The following ILDR2 variants were observed in gnomAD, a reference collection of about 807,000 sequenced individuals.
ILDR2 encodes the protein immunoglobulin-like domain-containing receptor 2.
In ILDR2, 25 loss-of-function variants were observed where a neutral mutation model predicts 66.8. The ratio of observed to expected loss-of-function variants is 0.37; its 90% CI spans 0.27 to 0.52. The LOEUF is 0.52. Among genes scored for constraint, ILDR2 ranks in the 20% least tolerant of loss-of-function variants. The probability of loss-of-function intolerance (pLI) is 0.88; values close to 1 mark genes in which losing one functional copy is unlikely to be tolerated. For missense variants in ILDR2, 827 were observed against 876.8 expected (o/e 0.94, Z 0.72); for synonymous variants, 367 against 357.2 (o/e 1.03, Z -0.31).
rs1406394751 is a variant in ILDR2 at position 166,921,285 on chromosome 1, A to G, written c.1306T>C (p.Ser436Pro). Residue 436 changes from serine to proline, a missense_variant, in exon 9 of 10, where the codon TCC becomes CCC. By Grantham distance (74) the Ser-to-Pro change is moderately conservative (BLOSUM62 -1). Coordinates refer to ENST00000271417, the MANE Select transcript of ILDR2 (RefSeq NM_199351.3). This position sits in a 1 kb window ranked among gnomAD's most constrained non-coding sequence, Gnocchi z 5.3. ...GCCCGGCGGGGCCGCTGGCCGTAGGAGTCAGCGAAGGCCGCCAGCTCGTCC... is the reference window on the plus strand; with the variant it reads ...GCCCGGCGGGGCCGCTGGCCGTAGGGGTCAGCGAAGGCCGCCAGCTCGTCC... The part of the protein sequence containing the change: ...SMDELAAFAD[S>P]YGQRPRRADG... 6.3e-7 allele frequency: 1 copy of G among 1,599,044 alleles called. No homozygotes were observed. The highest frequency in any genetic ancestry group is 8.5e-7 in the Non-Finnish European group (1 of 1,172,694).
At chr1:166,972,204 T>C (rs1187630095) in intron 1 of ILDR2, among the ~76,000 whole-genome samples, 1 of 150,810 alleles carries the variant, frequency 6.6e-6, no homozygotes, top group Admixed American at 6.6e-5. Context: ...AGAGTGAGAC[T>C]CTGTCTCTCA....
chr1:166,963,936 C>T (rs1251948429), intron 1 of ILDR2, among the ~76,000 whole-genome samples: 1 of 152,084 alleles, frequency 6.6e-6, no homozygotes, highest in African/African-American at 2.4e-5. Context: ...CCATATGGGA[C>T]TTGAGTTTCA....
chr1:166,906,865 G>A (rs1202062097), downstream of ILDR2, among the ~76,000 whole-genome samples: 3 of 152,154 alleles, frequency 2.0e-5, no homozygotes, highest in Non-Finnish European at 2.9e-5. Context: ...TCACCCTCAC[G>A]AATAAACTGT....
At chr1:166,933,653 G>C (rs1660768938) in intron 6 of ILDR2, 2 of 478,634 alleles carry the variant, frequency 4.2e-6, no homozygotes, top group African/African-American at 2.1e-5. Context: ...AGTTTTATTA[G>C]ATAATCCATT....
At chr1:166,947,189 G>A (rs1661664999) in intron 3 of ILDR2, among the ~76,000 whole-genome samples, 1 of 152,220 alleles carries the variant, frequency 6.6e-6, no homozygotes, top group Admixed American at 6.5e-5. Flanking sequence ...TTAAAATGCC[G>A]TGGAGGAGCG....
intron 3 of ILDR2, among the ~76,000 whole-genome samples, chr1:166,948,191 C>T (rs1232277821): frequency 6.6e-6 from 1 of 152,112 alleles, no homozygotes; most frequent in Non-Finnish European, 1.5e-5. Context: ...CCCCAACCCT[C>T]TGGATCTTCT....
chr1:166,917,591 C>T lies in ILDR2; in HGVS notation c.*1764G>A, dbSNP rs1256990990. ...AAAAGCTTTGATAAAAATTTGTCAACAATAGTGGAGGCTATGAGAAACACA... is the reference window on the plus strand; with the variant it reads ...AAAAGCTTTGATAAAAATTTGTCAATAATAGTGGAGGCTATGAGAAACACA... On this transcript the variant is annotated 3_prime_UTR_variant, in exon 10 of 10. Transcript: ENST00000271417. 1 of 152,196 alleles carries T rather than the reference C, an allele frequency of 6.6e-6. No homozygotes were observed. The highest frequency in any genetic ancestry group is 1.9e-4 in the East Asian group (1 of 5,186). The allele number at this position is 152,196 out of a possible 1,614,324, so 9.4% of individuals were successfully genotyped here.
chr1:166,939,217 G>T (rs1262966116), intron 4 of ILDR2, among the ~76,000 whole-genome samples: 1 of 152,140 alleles, frequency 6.6e-6, no homozygotes, highest in Non-Finnish European at 1.5e-5. Context: ...TAGGTATATG[G>T]GTACAGCTGA....
At chr1:166,929,045 CAGTT>C (rs1027436574) in intron 6 of ILDR2, among the ~76,000 whole-genome samples, 18 of 152,192 alleles carry the variant, frequency 1.2e-4, no homozygotes, top group African/African-American at 4.3e-4. Flanking sequence ...GTTCTGGAGG[CAGTT>C]ATGTCTGATG....
At chr1:166,947,369 C>T (rs1661681666) in intron 3 of ILDR2, among the ~76,000 whole-genome samples, 1 of 152,218 alleles carries the variant, frequency 6.6e-6, no homozygotes, top group Admixed American at 6.5e-5. Flanking sequence ...GGGGCACACA[C>T]TTGGTAGGTC....
intron 3 of ILDR2, among the ~76,000 whole-genome samples, chr1:166,945,212 T>C (rs1661545656): frequency 6.6e-6 from 1 of 152,190 alleles, no homozygotes; most frequent in Admixed American, 6.5e-5. Flanking sequence ...TCTCCAGTCA[T>C]TGGAATATCC....
At chr1:166,941,916 T>G (rs534903063) in intron 3 of ILDR2, among the ~76,000 whole-genome samples, 1 of 152,324 alleles carries the variant, frequency 6.6e-6, no homozygotes, top group African/African-American at 2.4e-5. Context: ...AATCCATACA[T>G]TCAAGGAGGA....
At chr1:166,947,901 G>T in intron 3 of ILDR2, among the ~76,000 whole-genome samples, 1 of 152,190 alleles carries the variant, frequency 6.6e-6, no homozygotes, top group Non-Finnish European at 1.5e-5. Context: ...GTGGCTGGGG[G>T]CTTAGGGAAG....
intron 3 of ILDR2, among the ~76,000 whole-genome samples, chr1:166,948,260 A>G (rs1661758607): frequency 6.6e-6 from 1 of 152,200 alleles, no homozygotes; most frequent in South Asian, 2.1e-4. Context: ...ATGGGTGACC[A>G]TCATACCAGT....
At chr1:166,903,081 G>A (rs186343118) in intron 2 of ILDR2, among the ~76,000 whole-genome samples, 143 of 152,106 alleles carry the variant, frequency 9.4e-4, no homozygotes, top group African/African-American at 3.1e-3. Context: ...TTCCACTCTC[G>A]TCTTCCTGTA....
intron 8 of ILDR2, among the ~76,000 whole-genome samples, chr1:166,922,002 T>C (rs1410988461): frequency 2.0e-5 from 3 of 152,202 alleles, no homozygotes; most frequent in Non-Finnish European, 4.4e-5. Flanking sequence ...CCTTAGCACC[T>C]AGAAGTTTCC....
At chr1:166,924,036 C>T (rs111574511) in intron 7 of ILDR2, among the ~76,000 whole-genome samples, 2 of 151,878 alleles carry the variant, frequency 1.3e-5, no homozygotes, top group Non-Finnish European at 1.5e-5. Context: ...CTTGGAGGAA[C>T]GGGATTTTTG....
At chr1:166,942,662 T>C (rs777352822) in intron 3 of ILDR2, among the ~76,000 whole-genome samples, 2 of 152,170 alleles carry the variant, frequency 1.3e-5, no homozygotes, top group Admixed American at 1.3e-4. Flanking sequence ...CAAAGCTGCA[T>C]TTCCCCACAG....
At chr1:166,969,591 A>G (rs539786935) in intron 1 of ILDR2, among the ~76,000 whole-genome samples, 76 of 152,144 alleles carry the variant, frequency 5.0e-4, no homozygotes, top group Non-Finnish European at 1.0e-3. Context: ...AGTCCTCTTC[A>G]TTCGCTCCTT....
Sources: gnomAD v4.1 joint callset for allele counts (sites outside exome capture counted in the v4.1 genomes callset) on GRCh38, gnomAD v4.1.1 for gene constraint, Gnocchi (gnomAD v3.1) non-coding constraint, MANE v1.5 for transcripts, NCBI Gene and HGNC (gene_info 2026-07-23, HGNC 2026-07-21) for gene names.